INTS2: variants seen among roughly 807,000 people sequenced by gnomAD.
INTS2 encodes integrator complex subunit 2.
INTS2 carries 57 observed loss-of-function variants against 139.6 expected under a neutral mutation model. The observed-to-expected ratio is 0.41, with a 90% CI of 0.33 to 0.51. The LOEUF (loss-of-function observed/expected upper bound fraction) is 0.51, where lower values mean the gene tolerates loss of function less well. Ranked by LOEUF, INTS2 falls within the 20% of genes least tolerant of loss-of-function variation. INTS2 has a pLI of 0.28. For synonymous variants in INTS2, 473 were observed against 493.4 expected, an observed-to-expected ratio of 0.96 and a Z score of 0.55; for missense variants, 1,196 against 1,436.7, an observed-to-expected ratio of 0.83 and a Z score of 2.71.
At position 61,870,087 on chromosome 17, in the gene INTS2, A is replaced by T. The variant is rs1005339910; in HGVS notation, c.2779-99T>A. ...CATGAACAGATATGATAAAATAACTAATTTCTTAAACACACATACACAAAG... is the reference window on the plus strand; with the variant it reads ...CATGAACAGATATGATAAAATAACTTATTTCTTAAACACACATACACAAAG... On this transcript the variant is annotated intron_variant, in intron 20 of 24. Transcript: ENST00000251334. The surrounding 1 kb of genome is among the most constrained non-coding windows in gnomAD (Gnocchi z 4.4). 2.6e-6 allele frequency: 3 copies of T among 1,167,148 alleles called. No homozygotes were observed. The highest frequency in any genetic ancestry group is 3.5e-6 in the Non-Finnish European group (3 of 848,722). The allele number at this position is 1,167,148 out of a possible 1,614,324, so 72.3% of individuals were successfully genotyped here. A position where few individuals can be genotyped will look rare whatever the true frequency, so the allele number is the denominator to read the frequency against.
At position 61,926,611 on chromosome 17, in the gene INTS2, G is replaced by C. The variant is rs74618949; in HGVS notation, c.34C>G (p.Pro12Ala). The C allele has an allele frequency of 6.2e-7, 1 of 1,611,840 alleles. No individual in the cohort carries two copies. Among genetic ancestry groups the C allele is most frequent in the Non-Finnish European group, 8.5e-7 (1 of 1,178,932 alleles). The change falls in exon 2 of 25, where the codon CCT becomes GCT. Residue 12 changes from proline to alanine, a missense_variant. Physicochemically the swap from Pro to Ala is conservative, Grantham distance 27. This residue lies in a region of INTS2 where 36 missense variants were observed against 30.1 expected (regional missense o/e 1.19). Transcript: ENST00000251334. ...TECTSLQFVS[P>A]FAFEAMQKVD... ...TTCTGCATTGCCTCAAAAGCAAAAG[G>C]GCTGACAAACTGAAGACTTGTACAT...
At chr17:61,925,534 G>A (rs1020784241) in intron 2 of INTS2, among the ~76,000 whole-genome samples, 8 of 151,828 alleles carry the variant, frequency 5.3e-5, no homozygotes, top group African/African-American at 1.5e-4. Context: ...CCGAGATCAC[G>A]CCACCGCACT....
At chr17:61,903,276 GAACTCATAGCCTC>G (rs1286821280) in intron 9 of INTS2, among the ~76,000 whole-genome samples, 2 of 146,508 alleles carry the variant, frequency 1.4e-5, no homozygotes, top group East Asian at 4.2e-4. Flanking sequence ...AGCTGGCCTC[GAACTCATAGCCTC>G]AAGCAACCCT....
chr17:61,875,014 T>C lies in INTS2; in HGVS notation c.2481A>G (p.Ala827=), dbSNP rs1279966408. The C allele has an allele frequency of 1.3e-6, 2 of 1,597,096 alleles. No individual in the cohort carries two copies. Among genetic ancestry groups the C allele is most frequent in the Non-Finnish European group, 1.7e-6 (2 of 1,170,756 alleles). ...GTACAAACTTTATTGAAGGCTGAAG[T>C]GCATTAACCGTCATTACCCATAGCC... is the stretch of plus-strand genomic sequence containing the variant. ...PRRLWVMTVN[A]LQPSIKFVRQ... Residue 827 remains alanine (A), a synonymous_variant, in exon 19 of 25, where the codon GCA becomes GCG. Coordinates refer to ENST00000251334, the MANE Select transcript of INTS2 (RefSeq NM_001351695.2). This position sits in a 1 kb window ranked among gnomAD's most constrained non-coding sequence, Gnocchi z 4.6.
At position 61,893,668 on chromosome 17, in the gene INTS2, C is replaced by G; in HGVS notation, c.1698+97G>C. 1 of 903,176 alleles carries G rather than the reference C, an allele frequency of 1.1e-6. No individual in the cohort carries two copies. 55.9% of individuals were successfully genotyped at this position (903,176 alleles called of 1,614,324 possible). On this transcript the variant is annotated intron_variant, in intron 13 of 24. Transcript: ENST00000251334. This position sits in a 1 kb window ranked among gnomAD's most constrained non-coding sequence, Gnocchi z 5.4. ...CAAGACTGCACCACTGCACTCCAAC[C>G]TGGGTGACTGAGCAAGACTCCATCT... is the stretch of plus-strand genomic sequence containing the variant.
At chr17:61,878,679 C>A (rs143598999) in intron 17 of INTS2, among the ~76,000 whole-genome samples, 13 of 152,074 alleles carry the variant, frequency 8.5e-5, no homozygotes, top group African/African-American at 2.4e-4. Context: ...TGGTGGCTCA[C>A]ACCTGTAATC....
chr17:61,915,341 A>AAAGT (rs2079569627), intron 5 of INTS2, among the ~76,000 whole-genome samples: 1 of 141,324 alleles, frequency 7.1e-6, no homozygotes, highest in Non-Finnish European at 1.5e-5. Flanking sequence ...CCGTCTCAAA[A>AAAGT]AAATAAATAA....
rs1296787073 is a variant in INTS2 at position 61,876,817 on chromosome 17, T to C, written c.2456+1070A>G. ...GTAAATTTCCCCTCAATAATGAAGCTTGGGGATGAATTAGTTATTGGTTAT... is the reference window on the plus strand; with the variant it reads ...GTAAATTTCCCCTCAATAATGAAGCCTGGGGATGAATTAGTTATTGGTTAT... On this transcript the variant is annotated intron_variant, in intron 18 of 24. Coordinates refer to ENST00000251334, the MANE Select transcript of INTS2 (RefSeq NM_001351695.2). This position sits in a 1 kb window ranked among gnomAD's most constrained non-coding sequence, Gnocchi z 4.1. Among the ~76,000 whole-genome samples the C allele has an allele frequency of 6.6e-6, 1 of 152,100 alleles. No homozygotes were observed. Among genetic ancestry groups the C allele is most frequent in the Non-Finnish European group, 1.5e-5 (1 of 68,014 alleles).
Position 61,893,753 on chromosome 17 carries a change from G to C in INTS2, c.1698+12C>G. ...GGCATGCTTTTATTTTGTTTTATTT[G>C]TAGGGGCATACTTTTATTGACACTT... On this transcript the variant is annotated intron_variant, in intron 13 of 24. Coordinates refer to ENST00000251334, the MANE Select transcript of INTS2 (RefSeq NM_001351695.2). The surrounding 1 kb of genome is among the most constrained non-coding windows in gnomAD (Gnocchi z 5.4). The C allele has an allele frequency of 6.4e-7, 1 of 1,552,516 alleles. No individual in the cohort carries two copies. The highest frequency in any genetic ancestry group is 2.3e-5 in the East Asian group (1 of 42,778).
intron 3 of INTS2, 23 bp from the exon 4 acceptor site, chr17:61,921,850 T>C: frequency 8.7e-7 from 1 of 1,152,396 alleles, no homozygotes; most frequent in Non-Finnish European, 1.3e-6. Context: ...AAAAAAAAGA[T>C]ATAAACTCTA....
Position 61,867,457 on chromosome 17 carries a change from C to T in INTS2, c.*100G>A, listed in dbSNP as rs2079054458. On this transcript the variant is annotated 3_prime_UTR_variant, in exon 25 of 25. Transcript: ENST00000251334. The surrounding 1 kb of genome is among the most constrained non-coding windows in gnomAD (Gnocchi z 5.6). ...TTGAATTGTTTTAGTGATTCCAAGACAATACTTTACTGTTCCCATTCAGTT... is the reference window on the plus strand; with the variant it reads ...TTGAATTGTTTTAGTGATTCCAAGATAATACTTTACTGTTCCCATTCAGTT... The T allele has an allele frequency of 1.5e-6, 1 of 652,344 alleles. No homozygotes were observed. The highest frequency in any genetic ancestry group is 1.8e-5 in the African/African-American group (1 of 54,980). The allele number at this position is 652,344 out of a possible 1,614,324, so 40.4% of individuals were successfully genotyped here.
intron 7 of INTS2, 64 bp downstream of exon 7, chr17:61,911,456 C>A: frequency 6.4e-6 from 9 of 1,397,078 alleles, no homozygotes; most frequent in South Asian, 6.4e-5. Context: ...AAAAATGTTT[C>A]TTTCTCTTTT....
chr17:61,926,105 A>G (rs2079710411), intron 2 of INTS2, among the ~76,000 whole-genome samples: 1 of 152,152 alleles, frequency 6.6e-6, no homozygotes, highest in African/African-American at 2.4e-5. Context: ...CCTACTTCCC[A>G]CTGAAAGTAA....
intron 13 of INTS2, 63 bp from the exon 14 acceptor site, chr17:61,891,752 TAA>T (rs2079297468): frequency 8.6e-7 from 1 of 1,165,932 alleles, no homozygotes; most frequent in Admixed American, 2.6e-5. Flanking sequence ...AGCAAAATTA[TAA>T]AAGTACATAC....
intron 1 of INTS2, 136 bp from the exon 2 acceptor site, chr17:61,926,798 C>A: frequency 1.4e-6 from 1 of 721,646 alleles, no homozygotes; most frequent in South Asian, 1.5e-5. Flanking sequence ...ACAATCAAGA[C>A]AAGGCTTCTC....
chr17:61,877,813 AATT>A lies in INTS2; in HGVS notation c.2456+71_2456+73del. On this transcript the variant is annotated intron_variant, in intron 18 of 24. Coordinates refer to ENST00000251334, the MANE Select transcript of INTS2 (RefSeq NM_001351695.2). ...ATGAGTGGTGAAAAATTTTTTAAAC[AATT>A]AAATTTAGGTTATTGTATATTATCC... 2.4e-6 allele frequency: 3 copies of A among 1,263,006 alleles called. No homozygotes were observed. The African/African-American group carries it at 4.5e-5, about 19-fold the overall frequency. 78.2% of individuals were successfully genotyped at this position (1,263,006 alleles called of 1,614,324 possible).
At chr17:61,884,819 C>T in intron 16 of INTS2, 82 bp downstream of exon 16, 1 of 798,894 alleles carries the variant, frequency 1.3e-6, no homozygotes, top group Non-Finnish European at 2.0e-6. Flanking sequence ...TAACATTAAG[C>T]ACCTATTACA....
intron 8 of INTS2, among the ~76,000 whole-genome samples, chr17:61,906,670 G>A (rs1244698186): frequency 6.6e-6 from 1 of 151,970 alleles, no homozygotes; most frequent in Non-Finnish European, 1.5e-5. Context: ...CTATTCAAAA[G>A]GATTTTGTAT....
chr17:61,922,547 CGT>C (rs1491428671), intron 3 of INTS2, among the ~76,000 whole-genome samples: 1 of 39,686 alleles, frequency 2.5e-5, no homozygotes, highest in African/African-American at 7.4e-5. Context: ...TATATATATA[CGT>C]GTTCAATTCT....
Sources: allele counts gnomAD v4.1 joint callset (sites outside exome capture counted in the v4.1 genomes callset), GRCh38; gene constraint gnomAD v4.1.1; regional missense constraint gnomAD v4.1.1; non-coding constraint Gnocchi (gnomAD v3.1); transcripts MANE v1.5; gene names NCBI Gene and HGNC (gene_info 2026-07-23, HGNC 2026-07-21).